The following MAP4 variants were observed in gnomAD, a reference collection of about 807,000 sequenced individuals.
MAP4 encodes the protein microtubule-associated protein 4.
Under a neutral mutation model 170.2 loss-of-function variants are expected in MAP4, and 76 were observed. The observed-to-expected ratio is 0.45, with a 90% CI of 0.37 to 0.54. The LOEUF is 0.54. Ranked by LOEUF, MAP4 falls within the 20% of genes least tolerant of loss-of-function variation. The probability of loss-of-function intolerance (pLI) is 0.00; values close to 1 mark genes in which losing one functional copy is unlikely to be tolerated. For synonymous variants in MAP4, 909 were observed against 994.5 expected (o/e 0.91, Z 1.62); for missense variants, 2,506 against 2,748.0 (o/e 0.91, Z 1.97).
chr3:47,871,376 T>C, intron 13 of MAP4, 90 bp from the exon 14 acceptor site: 1 of 1,063,202 alleles, frequency 9.4e-7, no homozygotes, highest in Non-Finnish European at 1.5e-6. Context: ...TATTTAACAA[T>C]TACTGAATAT....
chr3:48,051,645 G>T (rs2100127955), intron 1 of MAP4, among the ~76,000 whole-genome samples: 1 of 152,092 alleles, frequency 6.6e-6, no homozygotes, highest in Non-Finnish European at 1.5e-5. Flanking sequence ...CATCAATTAT[G>T]AAATAACTAA....
chr3:48,054,941 A>G (rs2100129950), intron 1 of MAP4, among the ~76,000 whole-genome samples: 1 of 152,166 alleles, frequency 6.6e-6, no homozygotes, highest in Non-Finnish European at 1.5e-5. Context: ...CACCAAGAAA[A>G]TACTGTGGTT....
intron 1 of MAP4, among the ~76,000 whole-genome samples, chr3:48,044,592 A>T (rs1322889583): frequency 6.6e-6 from 1 of 151,838 alleles, no homozygotes; most frequent in Non-Finnish European, 1.5e-5. Context: ...GCGAAACCTC[A>T]TGTCTACTAA....
chr3:47,995,437 G>C (rs1278724908), intron 2 of MAP4, among the ~76,000 whole-genome samples: 5 of 151,824 alleles, frequency 3.3e-5, no homozygotes, highest in Non-Finnish European at 2.9e-5. Flanking sequence ...TTTTAGTAGA[G>C]GTATGGTTTC....
At chr3:47,870,701 G>C in intron 15 of MAP4, 112 bp downstream of exon 15, 1 of 1,123,230 alleles carries the variant, frequency 8.9e-7, no homozygotes. Flanking sequence ...CCCTGATGCT[G>C]AGTCCAGTGT....
chr3:47,998,870 C>CAGTTGCAGTGG lies in MAP4; in HGVS notation c.-11_-10insCCACTGCAACT. On this transcript the variant is annotated 5_prime_UTR_variant, in exon 2 of 21. Coordinates refer to ENST00000683076, the MANE Select transcript of MAP4 (RefSeq NM_001385682.1). ...GACTGAGGTCAGCCATTCTGCACCA[C>CAGTTGCAGTGG]TGCAACTGCCTGGTGAAGAGGAAAA... The CAGTTGCAGTGG allele has an allele frequency of 6.4e-7, 1 of 1,572,734 alleles. No homozygotes were observed. The highest frequency in any genetic ancestry group is 8.8e-7 in the Non-Finnish European group (1 of 1,142,354).
At chr3:48,070,378 CACT>C (rs1316525303) in intron 1 of MAP4, among the ~76,000 whole-genome samples, 2 of 151,808 alleles carry the variant, frequency 1.3e-5, no homozygotes, top group African/African-American at 4.8e-5. Context: ...CTTCTTCTAC[CACT>C]ACTACTTTTC....
chr3:48,082,797 CAA>C (rs1294638726), intron 1 of MAP4, among the ~76,000 whole-genome samples: 11 of 49,012 alleles, frequency 2.2e-4, no homozygotes, highest in Admixed American at 4.4e-4. Context: ...GACTTTGTCT[CAA>C]AAAAAAAAAA....
chr3:48,084,584 T>A (rs1218472896), intron 1 of MAP4, among the ~76,000 whole-genome samples: 2 of 151,668 alleles, frequency 1.3e-5, no homozygotes, highest in Non-Finnish European at 2.9e-5. Context: ...CCTTTTTTTT[T>A]TTTTTGCAGG....
intron 3 of MAP4, among the ~76,000 whole-genome samples, chr3:47,939,739 T>C (rs1349070999): frequency 1.3e-5 from 2 of 152,008 alleles, no homozygotes; most frequent in African/African-American, 4.8e-5. Flanking sequence ...CAACCACCTC[T>C]TGATCAAAAA....
intron 17 of MAP4, among the ~76,000 whole-genome samples, chr3:47,866,454 A>G (rs1455474420): frequency 6.6e-6 from 1 of 151,062 alleles, no homozygotes; most frequent in Non-Finnish European, 1.5e-5. Flanking sequence ...AAAAAAGGAG[A>G]GCAGAAAGGG....
intron 3 of MAP4, among the ~76,000 whole-genome samples, chr3:47,949,723 G>A (rs368077966): frequency 1.3e-5 from 2 of 152,092 alleles, no homozygotes; most frequent in African/African-American, 4.8e-5. Context: ...AATGAAGCTG[G>A]ACTCTTCAAA....
chr3:48,018,797 T>A (rs899109739), upstream of MAP4, among the ~76,000 whole-genome samples: 4 of 152,064 alleles, frequency 2.6e-5, no homozygotes, highest in Admixed American at 6.6e-5. Flanking sequence ...AGTGAGACTC[T>A]GTCTCAAAAA....
intron 11 of MAP4, among the ~76,000 whole-genome samples, chr3:47,876,132 CTTTCTT>C (rs144918757): frequency 0.37 from 51,716 of 140,360 alleles, 10,054 homozygotes; most frequent in African/African-American, 0.52. Flanking sequence ...TTTTCTTTTT[CTTTCTT>C]TTTTTTTTTT....
At position 47,929,846 on chromosome 3, in the gene MAP4, C is replaced by T. The variant is rs150954193; in HGVS notation, c.293-1496G>A. On this transcript the variant is annotated intron_variant, in intron 3 of 20. Coordinates refer to ENST00000683076, the MANE Select transcript of MAP4 (RefSeq NM_001385682.1). ...TTTGCTTTTCAAAGATGCTATTAAACGGCCAGGCATGGTGGCTCATGCCTG... is the reference window on the plus strand; with the variant it reads ...TTTGCTTTTCAAAGATGCTATTAAATGGCCAGGCATGGTGGCTCATGCCTG... 1.9e-3 allele frequency among the ~76,000 whole-genome samples: 290 copies of T among 151,846 alleles called. 2 individuals carry two copies. The highest frequency in any genetic ancestry group is 2.3e-3 in the Non-Finnish European group (157 of 67,864).
intron 1 of MAP4, among the ~76,000 whole-genome samples, chr3:48,004,304 A>G (rs2100101011): frequency 1.3e-5 from 2 of 152,172 alleles, no homozygotes; most frequent in Admixed American, 1.3e-4. Context: ...GGCGTGAACT[A>G]TTTAGAGAGT....
intron 3 of MAP4, chr3:47,975,329 G>C: frequency 6.5e-7 from 1 of 1,537,684 alleles, no homozygotes; most frequent in Non-Finnish European, 8.8e-7. Flanking sequence ...ACTACCCTCA[G>C]TTTCTTCTAC....
At chr3:47,989,072 A>T (rs1559723583) in intron 2 of MAP4, among the ~76,000 whole-genome samples, 2 of 152,140 alleles carry the variant, frequency 1.3e-5, no homozygotes, top group South Asian at 4.1e-4. Context: ...AGCCTCTCAA[A>T]GTGCTGGGGA....
At chr3:47,965,491 C>A (rs2100074309) in intron 3 of MAP4, among the ~76,000 whole-genome samples, 1 of 152,186 alleles carries the variant, frequency 6.6e-6, no homozygotes, top group South Asian at 2.1e-4. Flanking sequence ...TTTTCCATAG[C>A]ACTTTCATTT....
Sources: allele counts gnomAD v4.1 joint callset (sites outside exome capture counted in the v4.1 genomes callset), GRCh38; gene constraint gnomAD v4.1.1; transcripts MANE v1.5; gene names NCBI Gene and HGNC (gene_info 2026-07-23, HGNC 2026-07-21).